The following CNOT6L variants were observed in gnomAD, a reference collection of about 807,000 sequenced individuals.
CNOT6L encodes the protein CCR4-NOT transcription complex subunit 6 like, also known as CCR4-NOT transcription complex subunit 6-like.
In CNOT6L, 7 loss-of-function variants were observed where a neutral mutation model predicts 64.0. The ratio of observed to expected loss-of-function variants is 0.11; its 90% CI spans 0.06 to 0.21. The LOEUF (loss-of-function observed/expected upper bound fraction) is 0.21, where lower values mean the gene tolerates loss of function less well. Ranked by LOEUF, CNOT6L falls within the 10% of genes least tolerant of loss-of-function variation. CNOT6L has a pLI of 1.00. For synonymous variants in CNOT6L, 193 were observed against 243.4 expected (o/e 0.79, Z 1.93); for missense variants, 245 against 669.0 (o/e 0.37, Z 6.99).
Position 77,717,883 on chromosome 4 carries a change from C to T in CNOT6L, c.*2548G>A, listed in dbSNP as rs1035945004. 1.3e-5 allele frequency: 2 copies of T among 152,464 alleles called. No individual in the cohort carries two copies. The highest frequency in any genetic ancestry group is 1.3e-4 in the Admixed American group (2 of 15,240). The allele number at this position is 152,464 out of a possible 1,614,324, so 9.4% of individuals were successfully genotyped here. A position where few individuals can be genotyped will look rare whatever the true frequency, so the allele number is the denominator to read the frequency against. On this transcript the variant is annotated 3_prime_UTR_variant, in exon 12 of 12. Transcript: ENST00000504123. ...ATTACCTACTTCAACAGAGCTACTACCAACATTTACTAAAACCACATTAAA... is the reference window on the plus strand; with the variant it reads ...ATTACCTACTTCAACAGAGCTACTATCAACATTTACTAAAACCACATTAAA...
At chr4:77,725,967 G>A (rs1446809731) in intron 11 of CNOT6L, 200 bp downstream of exon 11, 1 of 564,664 alleles carries the variant, frequency 1.8e-6, no homozygotes, top group African/African-American at 1.9e-5. Flanking sequence ...AAACAAGCAA[G>A]AGAGCAAGAA....
chr4:77,758,841 G>C (rs1467162522), intron 4 of CNOT6L, among the ~76,000 whole-genome samples: 1 of 152,180 alleles, frequency 6.6e-6, no homozygotes, highest in African/African-American at 2.4e-5. Flanking sequence ...GTTCTCCTTA[G>C]TAAGTACTAT....
intron 9 of CNOT6L, 26 bp downstream of exon 9, chr4:77,731,361 G>T: frequency 6.3e-7 from 1 of 1,597,012 alleles, no homozygotes; most frequent in South Asian, 1.1e-5. Context: ...TTTATTTTTA[G>T]TAAGAATATT....
chr4:77,788,538 G>C (rs980324578), intron 1 of CNOT6L, among the ~76,000 whole-genome samples: 4 of 152,038 alleles, frequency 2.6e-5, no homozygotes, highest in Non-Finnish European at 4.4e-5. Flanking sequence ...GACCAGCCTG[G>C]GCAATACGGC....
intron 8 of CNOT6L, among the ~76,000 whole-genome samples, chr4:77,741,174 C>T (rs1371268708): frequency 6.6e-6 from 1 of 151,964 alleles, no homozygotes; most frequent in Non-Finnish European, 1.5e-5. Flanking sequence ...AATTATTAAC[C>T]AAAATAAGAA....
chr4:77,804,753 T>C (rs916393028), intron 1 of CNOT6L, among the ~76,000 whole-genome samples: 2 of 151,972 alleles, frequency 1.3e-5, no homozygotes, highest in Non-Finnish European at 2.9e-5. Flanking sequence ...ATGTTTGTGT[T>C]ATGTAATACA....
chr4:77,732,273 G>GT (rs957489312), intron 8 of CNOT6L, among the ~76,000 whole-genome samples: 1 of 152,094 alleles, frequency 6.6e-6, no homozygotes, highest in African/African-American at 2.4e-5. Context: ...TTGTAGAGTT[G>GT]TAGGATTTAA....
At chr4:77,755,640 T>C (rs1013159390) in intron 5 of CNOT6L, among the ~76,000 whole-genome samples, 14 of 152,234 alleles carry the variant, frequency 9.2e-5, no homozygotes. Context: ...TGATTTCTAT[T>C]GATCAACTTT....
chr4:77,798,138 C>A (rs1034787204), intron 1 of CNOT6L, among the ~76,000 whole-genome samples: 3 of 151,980 alleles, frequency 2.0e-5, no homozygotes, highest in African/African-American at 7.3e-5. Context: ...CCAGCCTGGG[C>A]AAATATAGCA....
At chr4:77,768,474 A>AT (rs1727124850) in intron 4 of CNOT6L, among the ~76,000 whole-genome samples, 69 of 13,020 alleles carry the variant, frequency 5.3e-3, no homozygotes, top group Non-Finnish European at 8.2e-3. Context: ...AAAATAAATA[A>AT]ATATATATAT....
intron 1 of CNOT6L, among the ~76,000 whole-genome samples, chr4:77,805,857 G>C (rs570887405): frequency 1.2e-4 from 19 of 152,278 alleles, no homozygotes; most frequent in Middle Eastern, 3.4e-3. Context: ...AATCATAAGA[G>C]TATTCTAATT....
intron 1 of CNOT6L, among the ~76,000 whole-genome samples, chr4:77,798,304 T>C (rs1409437289): frequency 1.3e-5 from 2 of 152,078 alleles, no homozygotes; most frequent in African/African-American, 2.4e-5. Flanking sequence ...TGAGATCTTG[T>C]CTCTAAAACA....
chr4:77,799,365 T>C (rs1425697041), intron 1 of CNOT6L, among the ~76,000 whole-genome samples: 1 of 152,148 alleles, frequency 6.6e-6, no homozygotes, highest in African/African-American at 2.4e-5. Context: ...TGAACCACGC[T>C]AATGCCACTG....
At chr4:77,738,842 T>C (rs1458085500) in intron 8 of CNOT6L, among the ~76,000 whole-genome samples, 3 of 152,074 alleles carry the variant, frequency 2.0e-5, no homozygotes, top group Non-Finnish European at 4.4e-5. Context: ...TATGAATGTA[T>C]TTTATAAAAT....
rs564273395 is a variant in CNOT6L, at chr4:77,773,032, G to A, written c.400+49C>T. 2.2e-5 allele frequency: 27 copies of A among 1,210,406 alleles called. No individual in the cohort carries two copies. The African/African-American group carries it at 3.9e-4, about 17-fold the overall frequency. 75.0% of individuals were successfully genotyped at this position (1,210,406 alleles called of 1,614,324 possible). ...ACTTGACCTTTTTAAAGGCCAAAAT[G>A]CTCTTTAAAAGGCTCAGAATACCTC... On this transcript the variant is annotated intron_variant, in intron 4 of 11. Transcript: ENST00000504123.
chr4:77,746,194 G>C (rs989617039), intron 6 of CNOT6L, among the ~76,000 whole-genome samples: 2 of 152,146 alleles, frequency 1.3e-5, no homozygotes, highest in African/African-American at 2.4e-5. Flanking sequence ...TCATTAAAAA[G>C]ATCAGAGATT....
chr4:77,758,665 C>G (rs760454407), intron 4 of CNOT6L, among the ~76,000 whole-genome samples: 5 of 152,172 alleles, frequency 3.3e-5, no homozygotes, highest in Non-Finnish European at 4.4e-5. Flanking sequence ...GTGTAACTGA[C>G]AAATTACTGG....
intron 1 of CNOT6L, among the ~76,000 whole-genome samples, chr4:77,784,895 C>G (rs1729268734): frequency 6.6e-6 from 1 of 152,126 alleles, no homozygotes; most frequent in Non-Finnish European, 1.5e-5. Flanking sequence ...CTTAAGTCAT[C>G]TTTTACCTCT....
At chr4:77,799,038 A>G (rs1011619963) in intron 1 of CNOT6L, among the ~76,000 whole-genome samples, 1 of 152,160 alleles carries the variant, frequency 6.6e-6, no homozygotes, top group African/African-American at 2.4e-5. Context: ...CCACTCCTAG[A>G]TATTTACCCA....
Sources: gnomAD v4.1 joint callset for allele counts (sites outside exome capture counted in the v4.1 genomes callset) on GRCh38, gnomAD v4.1.1 for gene constraint, MANE v1.5 for transcripts, NCBI Gene and HGNC (gene_info 2026-07-23, HGNC 2026-07-21) for gene names.